CLHC1: variants seen among roughly 807,000 people sequenced by gnomAD.
CLHC1 encodes clathrin heavy chain linker domain-containing protein 1.
CLHC1 carries 72 observed loss-of-function variants against 69.5 expected under a neutral mutation model. That is an observed-to-expected ratio of 1.04 (90% CI 0.86 to 1.26). The LOEUF is 1.26. CLHC1 is among the 50% of genes most tolerant of loss of function. CLHC1 has a pLI of 0.00. For missense variants in CLHC1, 790 were observed against 679.3 expected, an observed-to-expected ratio of 1.16 and a Z score of -1.81; for synonymous variants, 223 against 224.3, an observed-to-expected ratio of 0.99 and a Z score of 0.05.
At position 55,217,952 on chromosome 2, in the gene CLHC1, T is replaced by C. The variant is rs1673742633; in HGVS notation, c.224A>G (p.Lys75Arg). The change falls in exon 4 of 13, where the codon AAA becomes AGA. Residue 75 changes from lysine to arginine, a missense_variant. By Grantham distance (26) the Lys-to-Arg change is conservative (BLOSUM62 2). Transcript: ENST00000401408. The part of the protein sequence containing the change: ...TAYKSILTSI[K>R]KEYDAFIETI... ...CTCAATAAAGGCATCATATTCTTTTTTGATTGAAGTAAGAATGGATTTGTA... is the reference window on the plus strand; with the variant it reads ...CTCAATAAAGGCATCATATTCTTTTCTGATTGAAGTAAGAATGGATTTGTA... 2 of 1,586,190 alleles carry C rather than the reference T, an allele frequency of 1.3e-6. No homozygotes were observed. Among genetic ancestry groups the C allele is most frequent in the South Asian group, 1.2e-5 (1 of 86,688 alleles).
At chr2:55,219,524 T>C (rs764047473) in intron 3 of CLHC1, among the ~76,000 whole-genome samples, 14 of 152,216 alleles carry the variant, frequency 9.2e-5, no homozygotes, top group Non-Finnish European at 1.8e-4. Flanking sequence ...CAATAATAGC[T>C]GGAGCTTTCG....
chr2:55,196,669 G>T (rs1188150551), intron 9 of CLHC1, among the ~76,000 whole-genome samples: 1 of 152,140 alleles, frequency 6.6e-6, no homozygotes, highest in African/African-American at 2.4e-5. Flanking sequence ...CAGCCCCTTG[G>T]GCCCTGAATG....
intron 6 of CLHC1, 35 bp from the exon 7 acceptor site, chr2:55,209,551 C>A: frequency 6.3e-7 from 1 of 1,576,170 alleles, no homozygotes; most frequent in Non-Finnish European, 8.7e-7. Context: ...ACACACTGAG[C>A]CTAAAATCAA....
chr2:55,217,387 G>A (rs1290233473), intron 4 of CLHC1, among the ~76,000 whole-genome samples: 1 of 149,580 alleles, frequency 6.7e-6, no homozygotes, highest in African/African-American at 2.5e-5. Flanking sequence ...GCTGGGCATG[G>A]TGGCATGCAC....
At chr2:55,218,556 A>C (rs1673803564) in intron 3 of CLHC1, 1 of 152,218 alleles carries the variant, frequency 6.6e-6, no homozygotes, top group Non-Finnish European at 1.5e-5. Flanking sequence ...TTAGGCATAG[A>C]AAATCTCTGG....
intron 9 of CLHC1, among the ~76,000 whole-genome samples, chr2:55,200,792 T>C (rs1202878244): frequency 4.6e-5 from 7 of 152,194 alleles, no homozygotes; most frequent in Admixed American, 2.0e-4. Flanking sequence ...ACAAAGCAAG[T>C]ATTAAAACAT....
chr2:55,211,765 G>A (rs1344662251), intron 5 of CLHC1, among the ~76,000 whole-genome samples: 2 of 152,070 alleles, frequency 1.3e-5, no homozygotes, highest in Non-Finnish European at 2.9e-5. Context: ...ATGAATATCT[G>A]TAATTCCTCT....
chr2:55,188,532 A>T (rs1670626331), intron 9 of CLHC1, among the ~76,000 whole-genome samples: 3 of 152,288 alleles, frequency 2.0e-5, no homozygotes, highest in East Asian at 1.9e-4. Flanking sequence ...CTTTGGGAAA[A>T]TGTTTGTTAT....
At chr2:55,227,863 A>G (rs1674868119) in intron 2 of CLHC1, among the ~76,000 whole-genome samples, 169 bp downstream of exon 2, 2 of 151,622 alleles carry the variant, frequency 1.3e-5, no homozygotes, top group African/African-American at 4.9e-5. Context: ...TCTTTGACCA[A>G]ATTTACTCTC....
chr2:55,195,263 A>G (rs1671301637), intron 9 of CLHC1, among the ~76,000 whole-genome samples: 1 of 152,182 alleles, frequency 6.6e-6, no homozygotes, highest in Admixed American at 6.5e-5. Flanking sequence ...TGGATTCCAC[A>G]TATAAATGAG....
chr2:55,180,723 C>T lies in CLHC1; in HGVS notation c.1182-11G>A. 1 of 1,610,268 alleles carries T rather than the reference C, an allele frequency of 6.2e-7. No individual in the cohort carries two copies. On this transcript the variant is annotated splice_polypyrimidine_tract_variant and intron_variant, in intron 10 of 12. Transcript: ENST00000401408. ...TCAGAAAATGTCAGTCTAGAACAAG[C>T]AGATCAATAAGACATATGTTAGAAA... is the stretch of plus-strand genomic sequence containing the variant.
chr2:55,204,541 A>G (rs1224802039), intron 9 of CLHC1, among the ~76,000 whole-genome samples: 2 of 152,200 alleles, frequency 1.3e-5, no homozygotes, highest in Non-Finnish European at 2.9e-5. Flanking sequence ...TACAACCACT[A>G]CGGAAAACAC....
chr2:55,209,723 G>A lies in CLHC1; in HGVS notation c.608C>T (p.Pro203Leu), dbSNP rs375919041. The A allele has an allele frequency of 1.5e-5, 25 of 1,613,490 alleles. No individual in the cohort carries two copies. The highest frequency in any genetic ancestry group is 2.0e-5 in the Non-Finnish European group (24 of 1,179,588). ...IKQAMLIKYV[P>L]AQRKADLDEE... ...ATCTAAATCAGCCTTCCTCTGAGCT[G>A]GCACATATTTTATCAACATAGCTTG... Residue 203 changes from proline to leucine, a missense_variant, in exon 6 of 13, where the codon CCA becomes CTA. Transcript: ENST00000401408.
upstream of CLHC1, chr2:55,232,533 C>A: frequency 1.9e-6 from 1 of 520,306 alleles, no homozygotes. Flanking sequence ...GAAATAAGCC[C>A]AGGCTAGGGA....
At chr2:55,212,644 T>G (rs758172662) in intron 5 of CLHC1, 29 bp downstream of exon 5, 3 of 1,549,968 alleles carry the variant, frequency 1.9e-6, no homozygotes, top group Non-Finnish European at 2.7e-6. Context: ...TCAGGATTTC[T>G]CTCAAATATT....
At chr2:55,210,574 A>C (rs1183856191) in intron 5 of CLHC1, among the ~76,000 whole-genome samples, 1 of 152,104 alleles carries the variant, frequency 6.6e-6, no homozygotes, top group Non-Finnish European at 1.5e-5. Context: ...TCTGAAAAAA[A>C]ATTTTTTAGT....
chr2:55,175,539 C>G lies in CLHC1; in HGVS notation c.*251G>C. 1 of 453,360 alleles carries G rather than the reference C, an allele frequency of 2.2e-6. No homozygotes were observed. Among genetic ancestry groups the G allele is most frequent in the Non-Finnish European group, 3.9e-6 (1 of 253,754 alleles). 28.1% of individuals were successfully genotyped at this position (453,360 alleles called of 1,614,324 possible). A position where few individuals can be genotyped will look rare whatever the true frequency, so the allele number is the denominator to read the frequency against. The stretch of plus-strand genomic sequence containing the variant: ...TGTCCTTAGATAAAAATGCCCTACA[C>G]TGTTTCACACAAAGTTATAATCTTG... On this transcript the variant is annotated 3_prime_UTR_variant, in exon 13 of 13. Transcript: ENST00000401408.
chr2:55,231,757 C>T (rs1001823387), intron 1 of CLHC1: 1 of 152,210 alleles, frequency 6.6e-6, no homozygotes, highest in Non-Finnish European at 1.5e-5. Flanking sequence ...CCTCTCAGAT[C>T]CAAGACTCCC....
At chr2:55,205,337 T>C (rs1672332529) in intron 9 of CLHC1, among the ~76,000 whole-genome samples, 1 of 151,414 alleles carries the variant, frequency 6.6e-6, no homozygotes. Flanking sequence ...ACAGCACTAT[T>C]CACAATAGCA....
Sources: gnomAD v4.1 joint callset for allele counts (sites outside exome capture counted in the v4.1 genomes callset) on GRCh38, gnomAD v4.1.1 for gene constraint, MANE v1.5 for transcripts, NCBI Gene and HGNC (gene_info 2026-07-23, HGNC 2026-07-21) for gene names.